Variants in B4GALT1 observed in about 807,000 individuals in gnomAD.
B4GALT1 encodes the protein N-acetyllactosamine synthase.
In B4GALT1, 16 loss-of-function variants were observed where a neutral mutation model predicts 34.9. The observed-to-expected ratio is 0.46, with a 90% CI of 0.31 to 0.70. The LOEUF (loss-of-function observed/expected upper bound fraction) is 0.70. B4GALT1 is among the 30% of genes least tolerant of loss of function. The pLI, the probability that B4GALT1 is intolerant of heterozygous loss-of-function variation, is 0.05. For missense variants in B4GALT1, 445 were observed against 530.5 expected (o/e 0.84, Z 1.58); for synonymous variants, 221 against 218.1 (o/e 1.01, Z -0.12).
At chr9:33,167,741 A>C (rs927773149), upstream of B4GALT1, among the ~76,000 whole-genome samples, 2 of 152,198 alleles carry the variant, frequency 1.3e-5, no homozygotes, top group Admixed American at 1.3e-4. Context: ...GCGGGTGGTT[A>C]TCTGGAGTGG....
At chr9:33,158,923 T>C (rs1049746950) in intron 1 of B4GALT1, among the ~76,000 whole-genome samples, 3 of 152,204 alleles carry the variant, frequency 2.0e-5, no homozygotes, top group African/African-American at 7.2e-5. Flanking sequence ...GTTCATTCTC[T>C]TCCTGGGGGG....
intron 2 of B4GALT1, among the ~76,000 whole-genome samples, chr9:33,126,645 C>A (rs1196700322): frequency 6.6e-6 from 1 of 152,244 alleles, no homozygotes; most frequent in Non-Finnish European, 1.5e-5. Context: ...ACATTGTTAA[C>A]TATTGTTAAC....
chr9:33,127,049 C>T (rs1177294067), intron 2 of B4GALT1, among the ~76,000 whole-genome samples: 1 of 152,094 alleles, frequency 6.6e-6, no homozygotes, highest in Non-Finnish European at 1.5e-5. Flanking sequence ...GCAAGCTCCG[C>T]CTCCCGGGTT....
chr9:33,113,457 G>A lies in B4GALT1; in HGVS notation c.1194C>T (p.Ser398=). The A allele has an allele frequency of 3.7e-6, 6 of 1,614,222 alleles. No homozygotes were observed. Among genetic ancestry groups the A allele is most frequent in the Non-Finnish European group, 3.4e-6 (4 of 1,180,044 alleles). ...CTCTTATCCGTGTACCAAAACGCTA[G>A]CTCGGTGTCCCGATGTCCACTGTGA... ...TQITVDIGTP[S] is the part of the protein sequence containing the mutation. Residue 398 remains serine, a synonymous_variant, in exon 6 of 6, where the codon AGC becomes AGT. Coordinates refer to ENST00000379731, the MANE Select transcript of B4GALT1 (RefSeq NM_001497.4).
chr9:33,130,583 C>T (rs1840180347), intron 2 of B4GALT1, among the ~76,000 whole-genome samples: 1 of 90,652 alleles, frequency 1.1e-5, no homozygotes, highest in Admixed American at 1.0e-4. Flanking sequence ...TAAGTTAGTA[C>T]AATAATTACA....
At chr9:33,175,090 C>G in the B4GALT1 span, among the ~76,000 whole-genome samples, 1 of 134,778 alleles carries the variant, frequency 7.4e-6, no homozygotes, top group Non-Finnish European at 1.6e-5. Context: ...GGCAGGAAGG[C>G]TGCTTGAGGC....
intron 1 of B4GALT1, among the ~76,000 whole-genome samples, chr9:33,141,726 G>C (rs1333628425): frequency 1.3e-5 from 2 of 152,186 alleles, no homozygotes; most frequent in Non-Finnish European, 2.9e-5. Flanking sequence ...ATTCATCACA[G>C]AGTTGTGTCC....
intron 1 of B4GALT1, among the ~76,000 whole-genome samples, chr9:33,140,224 C>T (rs1331231210): frequency 6.6e-6 from 1 of 152,222 alleles, no homozygotes; most frequent in Non-Finnish European, 1.5e-5. Context: ...TAGGCTGAAA[C>T]ATCTAGTCAC....
rs1839890162 is a variant in B4GALT1, at chr9:33,113,280, T to C, written c.*174A>G. ...TAAGAATTCACATGCCGAGCCAAGTTGGGGGCAAAATATCCCACTCGTCCT... is the reference window on the plus strand; with the variant it reads ...TAAGAATTCACATGCCGAGCCAAGTCGGGGGCAAAATATCCCACTCGTCCT... On this transcript the variant is annotated 3_prime_UTR_variant, in exon 6 of 6. Coordinates refer to ENST00000379731, the MANE Select transcript of B4GALT1 (RefSeq NM_001497.4). The C allele has an allele frequency of 1.1e-5, 10 of 938,682 alleles. No individual in the cohort carries two copies. In the East Asian group the frequency reaches 2.0e-4, roughly 19 times the overall value. 58.1% of individuals were successfully genotyped at this position (938,682 alleles called of 1,614,324 possible). A position where few individuals can be genotyped will look rare whatever the true frequency, so the allele number is the denominator to read the frequency against.
intron 1 of B4GALT1, among the ~76,000 whole-genome samples, chr9:33,143,572 C>T (rs1840383677): frequency 6.6e-6 from 1 of 152,262 alleles, no homozygotes; most frequent in African/African-American, 2.4e-5. Context: ...GAGTCCTACT[C>T]ACCAGATTGA....
At chr9:33,168,705 A>G (rs1840808441), upstream of B4GALT1, among the ~76,000 whole-genome samples, 1 of 152,212 alleles carries the variant, frequency 6.6e-6, no homozygotes, top group African/African-American at 2.4e-5. Context: ...GGCCCCAGCC[A>G]TAGTCCATGA....
Position 33,115,856 on chromosome 9 carries a change from C to T in B4GALT1, c.959+135G>A, listed in dbSNP as rs114871595. On this transcript the variant is annotated intron_variant, in intron 4 of 5. Transcript: ENST00000379731. ...TAGCACCTGCAGGACCTGTAGGAAG[C>T]CACACCTAAGAATGTGGGCTGACTA... 1.9e-3 allele frequency: 2,220 copies of T among 1,178,348 alleles called. 45 individuals carry two copies. The African/African-American group carries it at 0.031, about 16-fold the overall frequency. 73.0% of individuals were successfully genotyped at this position (1,178,348 alleles called of 1,614,324 possible).
chr9:33,121,342 C>T (rs961043630), intron 2 of B4GALT1, among the ~76,000 whole-genome samples: 2 of 152,144 alleles, frequency 1.3e-5, no homozygotes, highest in Non-Finnish European at 2.9e-5. Flanking sequence ...TGTGCTGGTG[C>T]AAAGGGAATG....
downstream of B4GALT1, among the ~76,000 whole-genome samples, chr9:33,107,049 C>T (rs1839801682): frequency 6.6e-6 from 1 of 152,142 alleles, no homozygotes; most frequent in African/African-American, 2.4e-5. Flanking sequence ...GGCAAATGTC[C>T]TTGGGGTGTC....
At chr9:33,150,420 A>G (rs1840498592) in intron 1 of B4GALT1, among the ~76,000 whole-genome samples, 1 of 151,952 alleles carries the variant, frequency 6.6e-6, no homozygotes, top group Non-Finnish European at 1.5e-5. Flanking sequence ...ATAAAAAAAA[A>G]AAACAGAACT....
intron 1 of B4GALT1, among the ~76,000 whole-genome samples, chr9:33,163,984 C>A (rs1032521869): frequency 2.0e-5 from 3 of 152,140 alleles, no homozygotes; most frequent in Admixed American, 6.5e-5. Context: ...AAACCTGCAG[C>A]CTGCCCCAGG....
At chr9:33,176,079 T>A in the B4GALT1 span, among the ~76,000 whole-genome samples, 2 of 152,010 alleles carry the variant, frequency 1.3e-5, no homozygotes, top group South Asian at 4.2e-4. Context: ...TGTCACCAGC[T>A]CCCCCTGCTC....
chr9:33,117,017 A>C (rs1271151700), intron 3 of B4GALT1, among the ~76,000 whole-genome samples: 1 of 152,218 alleles, frequency 6.6e-6, no homozygotes, highest in Non-Finnish European at 1.5e-5. Flanking sequence ...GAGCAGGCCT[A>C]GGCCCAGTTC....
intron 1 of B4GALT1, among the ~76,000 whole-genome samples, chr9:33,140,645 T>C (rs982519675): frequency 6.6e-6 from 1 of 152,236 alleles, no homozygotes; most frequent in African/African-American, 2.4e-5. Context: ...AGAGCTGGGA[T>C]ACTGGAATTT....
Sources: gnomAD v4.1 joint callset for allele counts (sites outside exome capture counted in the v4.1 genomes callset) on GRCh38, gnomAD v4.1.1 for gene constraint, MANE v1.5 for transcripts, NCBI Gene and HGNC (gene_info 2026-07-23, HGNC 2026-07-21) for gene names.